Variants in KISS1R observed in about 807,000 individuals in gnomAD.
KISS1R encodes kiSS-1 receptor.
Under a neutral mutation model 22.0 loss-of-function variants are expected in KISS1R, and 19 were observed. That is an observed-to-expected ratio of 0.86 (90% confidence interval 0.60 to 1.26). The LOEUF (loss-of-function observed/expected upper bound fraction) is 1.26. Ranked by LOEUF, KISS1R falls within the 50% of genes most tolerant of loss-of-function variation. KISS1R has a pLI of 0.00. For synonymous variants in KISS1R, 302 were observed against 283.9 expected (o/e 1.06, Z -0.64); for missense variants, 653 against 581.9 (o/e 1.12, Z -1.26).
In KISS1R at chr19:917,496, C is replaced by T; in HGVS notation, c.-7C>T. The T allele has an allele frequency of 2.7e-6, 4 of 1,456,124 alleles. No homozygotes were observed. Among genetic ancestry groups the T allele is most frequent in the Admixed American group, 2.5e-5 (1 of 40,046 alleles). The allele number at this position is 1,456,124 out of a possible 1,614,324, so 90.2% of individuals were successfully genotyped here. On this transcript the variant is annotated 5_prime_UTR_variant, in exon 1 of 5. Transcript: ENST00000234371. ...AGGGCGGCCGGGAGGAGGAGGTGCG[C>T]GCGGCCATGCACACCGTGGCTACGT...
In KISS1R at chr19:918,657, T is replaced by C; in HGVS notation, c.358T>C (p.Tyr120His). ...CGACTTCATGTGCAAGTTCGTCAAC[T>C]ACATCCAGCAGGTGCGCTCCGGAGC... Reference protein sequence around the residue: ...LGDFMCKFVNYIQQVSVQATC... With the variant: ...LGDFMCKFVNHIQQVSVQATC... The change falls in exon 2 of 5, where the codon TAC (tyrosine) becomes CAC (histidine). Residue 120 changes from tyrosine to histidine, a missense_variant. Physicochemically the swap from Tyr to His is moderately conservative, Grantham distance 83. Coordinates refer to ENST00000234371, the MANE Select transcript of KISS1R (RefSeq NM_032551.5). The C allele has an allele frequency of 1.9e-6, 3 of 1,550,058 alleles. No individual in the cohort carries two copies. The highest frequency in any genetic ancestry group is 2.6e-6 in the Non-Finnish European group (3 of 1,146,654).
Position 917,578 on chromosome 19 carries a change from G to A in KISS1R, c.76G>A (p.Gly26Ser). Residue 26 changes from glycine (G) to serine (S), a missense_variant, in exon 1 of 5, where the codon GGC becomes AGC. By Grantham distance (56) the Gly-to-Ser change is moderately conservative (BLOSUM62 0). Transcript: ENST00000234371. Reference sequence around the variant, plus strand: ...CAACGCCTCCGGCTGCCCGGGCTGTGGCGCCAACGCCTCGGACGGCCCAGT... The same window carrying A: ...CAACGCCTCCGGCTGCCCGGGCTGTAGCGCCAACGCCTCGGACGGCCCAGT... ...PANASGCPGCGANASDGPVPS... is the reference protein window; with the variant it reads ...PANASGCPGCSANASDGPVPS... The A allele has an allele frequency of 1.3e-6, 2 of 1,536,760 alleles. No homozygotes were observed. Among genetic ancestry groups the A allele is most frequent in the Non-Finnish European group, 1.7e-6 (2 of 1,145,364 alleles).
chr19:917,390 C>A lies in KISS1R; in HGVS notation c.-113C>A. 2.4e-6 allele frequency: 3 copies of A among 1,248,312 alleles called. No homozygotes were observed. The highest frequency in any genetic ancestry group is 3.1e-5 in the East Asian group (1 of 32,652). The allele number at this position is 1,248,312 out of a possible 1,614,324, so 77.3% of individuals were successfully genotyped here. A position where few individuals can be genotyped will look rare whatever the true frequency, so the allele number is the denominator to read the frequency against. The stretch of plus-strand genomic sequence containing the variant: ...CTGGACCCTGCGGACCCCAGCCGAG[C>A]CCCTTCCTGAGTTCCACAGGCGCAG... On this transcript the variant is annotated 5_prime_UTR_variant, in exon 1 of 5. Coordinates refer to ENST00000234371, the MANE Select transcript of KISS1R (RefSeq NM_032551.5).
intron 2 of KISS1R, 106 bp downstream of exon 2, chr19:918,774 C>A: frequency 9.9e-7 from 1 of 1,005,162 alleles, no homozygotes; most frequent in South Asian, 1.4e-5. Context: ...GGAGTGCGCT[C>A]CGCAGTGGGA....
intron 1 of KISS1R, 136 bp from the exon 2 acceptor site, chr19:918,408 G>T (rs908857296): frequency 2.5e-5 from 6 of 236,322 alleles, no homozygotes; most frequent in South Asian, 1.3e-4. Flanking sequence ...GGGGCGCTGG[G>T]GGAGGGGGGG....
chr19:918,710 G>A (rs1373064317), intron 2 of KISS1R, 42 bp downstream of exon 2: 4 of 1,541,168 alleles, frequency 2.6e-6, no homozygotes, highest in East Asian at 2.5e-5. Context: ...ACTTGGGGAC[G>A]GGCGGGGGTG....
rs1473135430 is a variant in KISS1R at position 920,558 on chromosome 19, G to C, written c.1007G>C (p.Arg336Pro). The C allele has an allele frequency of 6.4e-7, 1 of 1,572,064 alleles. No individual in the cohort carries two copies. The highest frequency in any genetic ancestry group is 2.5e-5 in the East Asian group (1 of 40,706). Residue 336 changes from arginine to proline, a missense_variant, in exon 5 of 5, where the codon CGC becomes CCC. By Grantham distance (103) the Arg-to-Pro change is moderately radical. Transcript: ENST00000234371. ...TCGCACTTCCGACAGGCCTTCCGCC[G>C]CGTCTGCCCCTGCGCGCCGCGCCGC... ...LGSHFRQAFR[R>P]VCPCAPRRPR...
At position 920,772 on chromosome 19, in the gene KISS1R, G is replaced by A. The variant is rs779130201; in HGVS notation, c.*24G>A. 1.8e-5 allele frequency: 23 copies of A among 1,262,500 alleles called. No homozygotes were observed. Among genetic ancestry groups the A allele is most frequent in the Admixed American group, 4.1e-5 (1 of 24,610 alleles). 78.2% of individuals were successfully genotyped at this position (1,262,500 alleles called of 1,614,324 possible). On this transcript the variant is annotated 3_prime_UTR_variant, in exon 5 of 5. Coordinates refer to ENST00000234371, the MANE Select transcript of KISS1R (RefSeq NM_032551.5). ...GAGCGGACCCGGTGGGAATCCGAGC[G>A]GCTCCCTCGGGAGCGGGGACTGCTG...
chr19:917,781 C>CCCGGGGGCT, intron 1 of KISS1R, 35 bp downstream of exon 1: 1 of 1,576,836 alleles, frequency 6.3e-7, no homozygotes, highest in Non-Finnish European at 8.6e-7. Context: ...CTGCTGCCGT[C>CCCGGGGGCT]CCGGGGGCTC....
rs545635250 is a variant in KISS1R at position 919,560 on chromosome 19, C to G, written c.440C>G (p.Pro147Arg). The G allele has an allele frequency of 6.4e-7, 1 of 1,559,168 alleles. No homozygotes were observed. The highest frequency in any genetic ancestry group is 8.7e-7 in the Non-Finnish European group (1 of 1,155,796). ...GACCGCTGGTACGTGACGGTGTTCC[C>G]GTTGCGCGCCCTGCACCGCCGCACG... ...SVDRWYVTVF[P>R]LRALHRRTPR... Residue 147 changes from proline (P) to arginine (R), a missense_variant, in exon 3 of 5, where the codon CCG becomes CGG. By Grantham distance (103) the Pro-to-Arg change is moderately radical (BLOSUM62 -2). Transcript: ENST00000234371.
At position 920,383 on chromosome 19, in the gene KISS1R, C is replaced by T. The variant is rs777116001; in HGVS notation, c.832C>T (p.Pro278Ser). ...CCTGCTCTTCGCCGCCTGCTGGGGC[C>T]CCATCCAGCTGTTCCTGGTGCTGCA... is the stretch of plus-strand genomic sequence containing the variant. ...VVLLFAACWG[P>S]IQLFLVLQAL... is the part of the protein sequence containing the mutation. The change falls in exon 5 of 5, where the codon CCC becomes TCC. Residue 278 changes from proline (P) to serine (S), a missense_variant. By Grantham distance (74) the Pro-to-Ser change is moderately conservative (BLOSUM62 -1). Transcript: ENST00000234371. 4.4e-6 allele frequency: 7 copies of T among 1,592,972 alleles called. No individual in the cohort carries two copies. Among genetic ancestry groups the T allele is most frequent in the Non-Finnish European group, 5.1e-6 (6 of 1,174,442 alleles).
chr19:919,478 C>T lies in KISS1R; in HGVS notation c.370-12C>T, dbSNP rs769863455. 1.9e-6 allele frequency: 3 copies of T among 1,543,926 alleles called. No individual in the cohort carries two copies. Among genetic ancestry groups the T allele is most frequent in the South Asian group, 1.2e-5 (1 of 84,644 alleles). ...CGCAGGTGGCCACACGCCCGGCTGG[C>T]GGCTCCCGCAGGTCTCGGTGCAGGC... On this transcript the variant is annotated splice_polypyrimidine_tract_variant and intron_variant, in intron 2 of 4. Coordinates refer to ENST00000234371, the MANE Select transcript of KISS1R (RefSeq NM_032551.5).
Position 919,816 on chromosome 19 carries a change from G to A in KISS1R, c.506-58G>A, listed in dbSNP as rs1015634655. ...TGGCTGGGTGAACGCCTCCCGGGGA[G>A]GCACGTGGGGGACCGCTGGTTCCCC... On this transcript the variant is annotated intron_variant, in intron 3 of 4. Coordinates refer to ENST00000234371, the MANE Select transcript of KISS1R (RefSeq NM_032551.5). The A allele has an allele frequency of 3.3e-6, 5 of 1,515,800 alleles. No individual in the cohort carries two copies. The African/African-American group carries it at 4.1e-5, about 13-fold the overall frequency. 93.9% of individuals were successfully genotyped at this position (1,515,800 alleles called of 1,614,324 possible).
chr19:918,477 C>T, intron 1 of KISS1R, 67 bp from the exon 2 acceptor site: 1 of 1,525,582 alleles, frequency 6.6e-7, no homozygotes, highest in South Asian at 1.2e-5. Context: ...GGGTCAGGGC[C>T]AGGAGCGCTG....
chr19:919,842 G>C (rs998859434), intron 3 of KISS1R, 32 bp from the exon 4 acceptor site: 3 of 1,531,726 alleles, frequency 2.0e-6, no homozygotes, highest in South Asian at 1.2e-5. Context: ...CTGGTTCCCC[G>C]AGCGGGGTCT....
intron 1 of KISS1R, among the ~76,000 whole-genome samples, chr19:918,012 C>T (rs2037073547): frequency 6.6e-6 from 1 of 152,188 alleles, no homozygotes; most frequent in African/African-American, 2.4e-5. Context: ...GCGGGGCTCG[C>T]CCCGGTGCAG....
intron 3 of KISS1R, 106 bp from the exon 4 acceptor site, chr19:919,768 G>A: frequency 6.7e-7 from 1 of 1,485,822 alleles, no homozygotes; most frequent in Middle Eastern, 1.8e-4. Context: ...GGCTGCAGAC[G>A]GGGCGCCCGG....
intron 2 of KISS1R, 77 bp from the exon 3 acceptor site, chr19:919,413 G>C (rs1355354447): frequency 1.3e-6 from 2 of 1,526,890 alleles, no homozygotes; most frequent in African/African-American, 2.7e-5. Flanking sequence ...CACACGTAGG[G>C]GGATCAGCAG....
chr19:919,350 C>A, intron 2 of KISS1R, 140 bp from the exon 3 acceptor site: 2 of 1,244,280 alleles, frequency 1.6e-6, no homozygotes, highest in Non-Finnish European at 2.3e-6. Context: ...TCCCCTCAAC[C>A]CGCACTGGAC....
Sources: allele counts gnomAD v4.1 joint callset (sites outside exome capture counted in the v4.1 genomes callset), GRCh38; gene constraint gnomAD v4.1.1; transcripts MANE v1.5; gene names NCBI Gene and HGNC (gene_info 2026-07-23, HGNC 2026-07-21).